The following MRM3 variants were observed in gnomAD, a reference collection of about 807,000 sequenced individuals.
MRM3 encodes mitochondrial rRNA methyltransferase 3.
Under a neutral mutation model 29.4 loss-of-function variants are expected in MRM3, and 26 were observed. The observed-to-expected ratio is 0.89, with a 90% CI of 0.65 to 1.23. The LOEUF (loss-of-function observed/expected upper bound fraction) is 1.23. Among genes scored for constraint, MRM3 ranks in the 50% most tolerant of loss-of-function variants. The pLI is 0.00. For synonymous variants in MRM3, 225 were observed against 219.0 expected, an observed-to-expected ratio of 1.03 and a Z score of -0.24; for missense variants, 578 against 540.2, an observed-to-expected ratio of 1.07 and a Z score of -0.69.
Position 787,160 on chromosome 17 carries a change from T to G in MRM3, c.560-805T>G, listed in dbSNP as rs1253227413. The stretch of plus-strand genomic sequence containing the variant: ...TTGGGAGGCTGAGAGGCAGGAGAAT[T>G]GCTTAAACCCGGGAGGCAGAGGTTG... On this transcript the variant is annotated intron_variant, in intron 2 of 3. Transcript: ENST00000304478. This position sits in a 1 kb window ranked among gnomAD's most constrained non-coding sequence, Gnocchi z 4.1. 6.6e-6 allele frequency among the ~76,000 whole-genome samples: 1 copy of G among 151,904 alleles called. No individual in the cohort carries two copies. Among genetic ancestry groups the G allele is most frequent in the Non-Finnish European group, 1.5e-5 (1 of 67,994 alleles).
In MRM3 at chr17:792,007, G is replaced by C; in HGVS notation, c.1201G>C (p.Glu401Gln). Residue 401 changes from glutamate to glutamine, a missense_variant, in exon 4 of 4, where the codon GAA becomes CAA. Transcript: ENST00000304478. Reference sequence around the variant, plus strand: ...CATGGCGGCAAGCATCCTGCTTTTCGAAGGGAAAAGACAGCTGCGGGGGAG... The same window carrying C: ...CATGGCGGCAAGCATCCTGCTTTTCCAAGGGAAAAGACAGCTGCGGGGGAG... Reference protein sequence around the residue: ...SAMAASILLFEGKRQLRGRAE... With the variant: ...SAMAASILLFQGKRQLRGRAE... 1 of 1,613,832 alleles carries C rather than the reference G, an allele frequency of 6.2e-7. No homozygotes were observed. The highest frequency in any genetic ancestry group is 1.6e-4 in the Middle Eastern group (1 of 6,062).
chr17:785,103 A>G (rs1402958528), intron 2 of MRM3, among the ~76,000 whole-genome samples: 1 of 152,194 alleles, frequency 6.6e-6, no homozygotes, highest in Non-Finnish European at 1.5e-5. Context: ...TTGGGAGCAG[A>G]CTACAAAGGG....
Position 783,311 on chromosome 17 carries a change from G to C in MRM3, c.543G>C (p.Thr181=), listed in dbSNP as rs145139429. The change falls in exon 2 of 4, where the codon ACG becomes ACC. Residue 181 remains threonine, a synonymous_variant. Transcript: ENST00000304478. The part of the protein sequence containing the change: ...EDIKDWSDLV[T]PQGIMGIFAK... ...TCAAGGATTGGTCCGACCTCGTAAC[G>C]CCACAAGGAATAATGGGTTAGTGAT... The C allele has an allele frequency of 2.1e-5, 34 of 1,611,798 alleles. No individual in the cohort carries two copies. The African/African-American group carries it at 4.1e-4, about 20-fold the overall frequency.
intron 2 of MRM3, among the ~76,000 whole-genome samples, chr17:784,114 GT>G (rs1216869517): frequency 1.3e-5 from 2 of 152,202 alleles, no homozygotes; most frequent in Admixed American, 6.5e-5. Flanking sequence ...TTAACCTTAT[GT>G]AACTCCGATG....
At chr17:784,101 G>T (rs977271785) in intron 2 of MRM3, among the ~76,000 whole-genome samples, 3 of 152,202 alleles carry the variant, frequency 2.0e-5, no homozygotes, top group Non-Finnish European at 4.4e-5. Flanking sequence ...GGCTGAATCT[G>T]ACTTAACCTT....
At chr17:791,495 G>A (rs1321580994) in intron 3 of MRM3, 39 bp from the exon 4 acceptor site, 2 of 1,589,968 alleles carry the variant, frequency 1.3e-6, no homozygotes, top group Admixed American at 3.4e-5. Flanking sequence ...GGTCTGGGAA[G>A]ATTTGTAACA....
At chr17:788,270 A>T (rs1191417276) in intron 3 of MRM3, 138 bp downstream of exon 3, 2 of 806,232 alleles carry the variant, frequency 2.5e-6, no homozygotes, top group Admixed American at 5.6e-5. Context: ...TCTACAAAAA[A>T]AACTACAATT....
chr17:784,980 G>T (rs969867961), intron 2 of MRM3, among the ~76,000 whole-genome samples: 1 of 152,106 alleles, frequency 6.6e-6, no homozygotes, highest in Non-Finnish European at 1.5e-5. Flanking sequence ...ATTGTATCAT[G>T]TTTCAGTACA....
chr17:783,015 A>G (rs1028735396), intron 1 of MRM3, 68 bp from the exon 2 acceptor site: 2 of 1,541,542 alleles, frequency 1.3e-6, no homozygotes, highest in Middle Eastern at 2.3e-4. Context: ...TTTCTGTTAC[A>G]ACTAAGCGTG....
At chr17:786,099 T>C (rs781747116) in intron 2 of MRM3, among the ~76,000 whole-genome samples, 1 of 152,172 alleles carries the variant, frequency 6.6e-6, no homozygotes, top group South Asian at 2.1e-4. Flanking sequence ...AAACAGGTTT[T>C]GTTTTGTTTT....
rs755649262 is a variant in MRM3 at position 783,200 on chromosome 17, C to G, written c.432C>G (p.Phe144Leu). The G allele has an allele frequency of 1.7e-5, 27 of 1,614,108 alleles. No individual in the cohort carries two copies. The highest frequency in any genetic ancestry group is 1.6e-4 in the Middle Eastern group (1 of 6,062). The change falls in exon 2 of 4, where the codon TTC (phenylalanine) becomes TTG (leucine). Residue 144 changes from phenylalanine (F) to leucine (L), a missense_variant. Physicochemically the swap from Phe to Leu is conservative, Grantham distance 22. Coordinates refer to ENST00000304478, the MANE Select transcript of MRM3 (RefSeq NM_018146.4). ...ALKAGAVPKM[F>L]FFSRLEYLKE... is the part of the protein sequence containing the mutation. ...AGGCTGGAGCTGTGCCAAAAATGTT[C>G]TTCTTTAGCCGTCTAGAATACCTAA...
intron 3 of MRM3, 156 bp downstream of exon 3, chr17:788,288 T>A: frequency 1.5e-6 from 1 of 650,848 alleles, no homozygotes; most frequent in Non-Finnish European, 2.6e-6. Context: ...ATTAGCTGGG[T>A]GTGGTGGGGT....
chr17:791,846 C>A lies in MRM3; in HGVS notation c.1040C>A (p.Thr347Lys). 1 of 1,614,154 alleles carries A rather than the reference C, an allele frequency of 6.2e-7. No individual in the cohort carries two copies. The highest frequency in any genetic ancestry group is 8.5e-7 in the Non-Finnish European group (1 of 1,180,046). Residue 347 changes from threonine to lysine, a missense_variant, in exon 4 of 4, where the codon ACA (threonine) becomes AAA (lysine). Transcript: ENST00000304478. ...VEVQSYDSDW[T>K]EAPAAVVIGG... is the part of the protein sequence containing the mutation. ...GTTCAGAGTTACGACTCGGACTGGA[C>A]AGAGGCGCCGGCAGCTGTGGTGATT...
chr17:782,518 T>C lies in MRM3; in HGVS notation c.140T>C (p.Val47Ala). ...AAAGTGGTGTTTCCTTCCGGAGAGGTGGTGGAACAGAAGCGCGCTCCTGGG... is the reference window on the plus strand; with the variant it reads ...AAAGTGGTGTTTCCTTCCGGAGAGGCGGTGGAACAGAAGCGCGCTCCTGGG... ...PVKVVFPSGE[V>A]VEQKRAPGKQ... Residue 47 changes from valine to alanine, a missense_variant, in exon 1 of 4, where the codon GTG (valine) becomes GCG (alanine). Coordinates refer to ENST00000304478, the MANE Select transcript of MRM3 (RefSeq NM_018146.4). 6.2e-7 allele frequency: 1 copy of C among 1,613,282 alleles called. No homozygotes were observed.
rs1347591102 is a variant in MRM3, at chr17:792,429, ACCAGCTATAGGTCACAGC to A, written c.*362_*379del. The A allele has an allele frequency of 4.1e-6, 1 of 244,758 alleles. No homozygotes were observed. Among genetic ancestry groups the A allele is most frequent in the Non-Finnish European group, 8.0e-6 (1 of 125,776 alleles). The allele number at this position is 244,758 out of a possible 1,614,324, so 15.2% of individuals were successfully genotyped here. On this transcript the variant is annotated 3_prime_UTR_variant, in exon 4 of 4. Transcript: ENST00000304478. ...TGGTGGGTGTTTGTAATCGCCAAGCACCAGCTATAGGTCACAGCCACATCACTCACAGCTGATCACTGG... is the reference window on the plus strand; with the variant it reads ...TGGTGGGTGTTTGTAATCGCCAAGCACACATCACTCACAGCTGATCACTGG...
chr17:787,843 C>G lies in MRM3; in HGVS notation c.560-122C>G. On this transcript the variant is annotated intron_variant, in intron 2 of 3. Coordinates refer to ENST00000304478, the MANE Select transcript of MRM3 (RefSeq NM_018146.4). This position sits in a 1 kb window ranked among gnomAD's most constrained non-coding sequence, Gnocchi z 4.1. Reference sequence around the variant, plus strand: ...GGATTACAGGCATGAGCCAGTACACCTGGCCTGTATTCCTGTATTTTTATG... The same window carrying G: ...GGATTACAGGCATGAGCCAGTACACGTGGCCTGTATTCCTGTATTTTTATG... 1 of 1,043,390 alleles carries G rather than the reference C, an allele frequency of 9.6e-7. No individual in the cohort carries two copies. The highest frequency in any genetic ancestry group is 1.5e-6 in the Non-Finnish European group (1 of 688,490). The allele number at this position is 1,043,390 out of a possible 1,614,324, so 64.6% of individuals were successfully genotyped here.
rs923121435 is a variant in MRM3 at position 791,065 on chromosome 17, G to A, written c.728-469G>A. On this transcript the variant is annotated intron_variant, in intron 3 of 3. Transcript: ENST00000304478. Reference sequence around the variant, plus strand: ...AGTCCTTAGGCTGCGCCACTCTCCCGCTTCCTCTCCTAGCTCTGTCCTCTG... The same window carrying A: ...AGTCCTTAGGCTGCGCCACTCTCCCACTTCCTCTCCTAGCTCTGTCCTCTG... 5.3e-5 allele frequency among the ~76,000 whole-genome samples: 8 copies of A among 152,218 alleles called. No individual in the cohort carries two copies. In the South Asian group the frequency reaches 1.7e-3, roughly 32 times the overall value.
At position 787,945 on chromosome 17, in the gene MRM3, C is replaced by T. The variant is rs1910615971; in HGVS notation, c.560-20C>T. The T allele has an allele frequency of 6.2e-7, 1 of 1,612,240 alleles. No individual in the cohort carries two copies. The highest frequency in any genetic ancestry group is 1.1e-5 in the South Asian group (1 of 90,982). On this transcript the variant is annotated intron_variant, in intron 2 of 3. Transcript: ENST00000304478. This position sits in a 1 kb window ranked among gnomAD's most constrained non-coding sequence, Gnocchi z 4.1. ...CCGTGCCCACACCAGGCAAGTAAAC[C>T]ACCTGTTTTGTTTCCTCAGGGATTT...
In MRM3 at chr17:783,169, C is replaced by T. The variant is rs376389257; in HGVS notation, c.401C>T (p.Ala134Val). 2 of 1,613,988 alleles carry T rather than the reference C, an allele frequency of 1.2e-6. No homozygotes were observed. Among genetic ancestry groups the T allele is most frequent in the African/African-American group, 2.7e-5 (2 of 74,870 alleles). Reference protein sequence around the residue: ...LLEGRRLISDALKAGAVPKMF... With the variant: ...LLEGRRLISDVLKAGAVPKMF... ...GAAGGTCGCAGGCTCATTTCAGACG[C>T]TCTCAAGGCTGGAGCTGTGCCAAAA... The change falls in exon 2 of 4, where the codon GCT becomes GTT. Residue 134 changes from alanine (A) to valine (V), a missense_variant. By Grantham distance (64) the Ala-to-Val change is moderately conservative. Coordinates refer to ENST00000304478, the MANE Select transcript of MRM3 (RefSeq NM_018146.4).
Sources: allele counts gnomAD v4.1 joint callset (sites outside exome capture counted in the v4.1 genomes callset), GRCh38; gene constraint gnomAD v4.1.1; non-coding constraint Gnocchi (gnomAD v3.1); transcripts MANE v1.5; gene names NCBI Gene and HGNC (gene_info 2026-07-23, HGNC 2026-07-21).